Variants in TMEM232 observed in about 807,000 individuals in gnomAD.
The protein encoded by TMEM232 is transmembrane protein 232.
TMEM232 carries 80 observed loss-of-function variants against 78.8 expected under a neutral mutation model. The ratio of observed to expected loss-of-function variants is 1.01; its 90% CI spans 0.85 to 1.22. TMEM232 has a LOEUF of 1.22. TMEM232 is among the 50% of genes most tolerant of loss of function. TMEM232 has a pLI of 0.00. For synonymous variants in TMEM232, 297 were observed against 254.3 expected (o/e 1.17, Z -1.60); for missense variants, 881 against 742.2 (o/e 1.19, Z -2.17).
chr5:110,523,822 G>A (rs564573150), intron 12 of TMEM232, among the ~76,000 whole-genome samples: 11 of 151,832 alleles, frequency 7.2e-5, no homozygotes, highest in Non-Finnish European at 1.5e-4. Flanking sequence ...CTAGCTGAGT[G>A]TAGTGTCATG....
chr5:110,506,863 G>A (rs1580982872), intron 12 of TMEM232, among the ~76,000 whole-genome samples: 1 of 151,912 alleles, frequency 6.6e-6, no homozygotes, highest in East Asian at 1.9e-4. Flanking sequence ...AATATGTAGT[G>A]TTCTGTCTAT....
chr5:110,685,304 T>C (rs776447478), intron 1 of TMEM232, among the ~76,000 whole-genome samples: 1 of 151,474 alleles, frequency 6.6e-6, no homozygotes, highest in South Asian at 2.1e-4. Context: ...ATGGGAAAAA[T>C]AACAGCAAAG....
At chr5:110,720,923 A>T (rs374108430) in intron 1 of TMEM232, 16 of 152,298 alleles carry the variant, frequency 1.1e-4, no homozygotes, top group African/African-American at 3.6e-4. Flanking sequence ...TGGAAAAAAT[A>T]GGTAAGAACA....
At chr5:110,690,407 A>G (rs1793971996) in intron 1 of TMEM232, among the ~76,000 whole-genome samples, 2 of 152,238 alleles carry the variant, frequency 1.3e-5, no homozygotes, top group South Asian at 4.1e-4. Flanking sequence ...AGAAATGCAA[A>G]TCAAAACCAC....
intron 1 of TMEM232, among the ~76,000 whole-genome samples, chr5:110,701,920 C>T (rs761986817): frequency 2.0e-5 from 3 of 151,924 alleles, no homozygotes; most frequent in Non-Finnish European, 4.4e-5. Flanking sequence ...TTTTGCTTAA[C>T]AGAAGGAAAA....
At chr5:110,597,428 G>T (rs1384218273) in intron 10 of TMEM232, among the ~76,000 whole-genome samples, 1 of 152,070 alleles carries the variant, frequency 6.6e-6, no homozygotes, top group Non-Finnish European at 1.5e-5. Flanking sequence ...TGTGAAAATG[G>T]CCATACTGCC....
chr5:110,658,188 G>A (rs964247641), intron 2 of TMEM232, among the ~76,000 whole-genome samples: 2 of 152,098 alleles, frequency 1.3e-5, no homozygotes, highest in African/African-American at 4.8e-5. Flanking sequence ...GGCTTTTGAA[G>A]TCAGACACTG....
intron 6 of TMEM232, 50 bp from the exon 7 acceptor site, chr5:110,625,483 CTG>C (rs1784310757): frequency 2.1e-6 from 3 of 1,430,322 alleles, no homozygotes; most frequent in Non-Finnish European, 2.8e-6. Context: ...ATATTTTGCA[CTG>C]TGTTTCATTT....
downstream of TMEM232, among the ~76,000 whole-genome samples, chr5:110,415,444 C>T (rs1308718918): frequency 1.3e-5 from 2 of 151,870 alleles, no homozygotes; most frequent in African/African-American, 4.8e-5. Flanking sequence ...ACGTTGGCCT[C>T]CCCAAGTGCT....
chr5:110,533,999 C>G (rs1771942770), intron 11 of TMEM232, among the ~76,000 whole-genome samples: 1 of 152,070 alleles, frequency 6.6e-6, no homozygotes, highest in Non-Finnish European at 1.5e-5. Flanking sequence ...TTATTGAGGC[C>G]CTCTCCCTTC....
chr5:110,579,184 G>A (rs1386675429), intron 10 of TMEM232, among the ~76,000 whole-genome samples: 1 of 151,112 alleles, frequency 6.6e-6, no homozygotes, highest in Non-Finnish European at 1.5e-5. Context: ...TGCCAGAAGG[G>A]AGTGAGATGA....
chr5:110,606,720 C>T (rs1781589917), intron 8 of TMEM232, among the ~76,000 whole-genome samples: 1 of 151,920 alleles, frequency 6.6e-6, no homozygotes, highest in Non-Finnish European at 1.5e-5. Flanking sequence ...TTCTAAGATA[C>T]TCCAAAGATT....
intron 10 of TMEM232, among the ~76,000 whole-genome samples, chr5:110,577,978 T>C (rs978853708): frequency 1.3e-5 from 2 of 151,898 alleles, no homozygotes; most frequent in Admixed American, 6.6e-5. Flanking sequence ...CCAATCCCCA[T>C]GACACAAGTT....
At chr5:110,680,141 G>A (rs1792537783) in intron 1 of TMEM232, among the ~76,000 whole-genome samples, 2 of 152,080 alleles carry the variant, frequency 1.3e-5, no homozygotes, top group South Asian at 4.1e-4. Flanking sequence ...GCTCACGTCT[G>A]TAATCCCAGC....
intron 5 of TMEM232, among the ~76,000 whole-genome samples, chr5:110,631,822 C>T (rs1470861988): frequency 1.2e-4 from 19 of 152,136 alleles, no homozygotes; most frequent in Admixed American, 1.2e-3. Flanking sequence ...TGTCCCACAA[C>T]TGCTACTGCC....
Position 110,420,601 on chromosome 5 carries a change from A to C in TMEM232, c.1953T>G (p.Pro651=). 6.8e-7 allele frequency: 1 copy of C among 1,480,354 alleles called. No homozygotes were observed. Among genetic ancestry groups the C allele is most frequent in the African/African-American group, 1.5e-5 (1 of 68,754 alleles). The allele number at this position is 1,480,354 out of a possible 1,614,324, so 91.7% of individuals were successfully genotyped here. A position where few individuals can be genotyped will look rare whatever the true frequency, so the allele number is the denominator to read the frequency against. ...CTAATTAAATTACTTCCTTCCTATA[A>C]GGAAGTTCATAGGGCTTGGTTTGCT... ...LHKQTKPYEL[P]YRKEVI The change falls in exon 14 of 14, where the codon CCT becomes CCG. Residue 651 remains proline (P), a synonymous_variant. Coordinates refer to ENST00000455884, the MANE Select transcript of TMEM232 (RefSeq NM_001039763.4).
chr5:110,700,686 A>C (rs143121417), intron 1 of TMEM232, among the ~76,000 whole-genome samples: 1,842 of 152,056 alleles, frequency 0.012, 46 homozygotes, highest in African/African-American at 0.042. Flanking sequence ...TGAGGAAATA[A>C]AGAGGGCCTT....
intron 3 of TMEM232, 57 bp from the exon 4 acceptor site, chr5:110,641,053 ATTTATT>A: frequency 9.0e-7 from 1 of 1,107,562 alleles, no homozygotes; most frequent in Non-Finnish European, 1.2e-6. Context: ...TTATATATAT[ATTTATT>A]TTTAACTCTT....
chr5:110,588,235 T>C (rs770882806), intron 10 of TMEM232, among the ~76,000 whole-genome samples: 1 of 152,120 alleles, frequency 6.6e-6, no homozygotes, highest in African/African-American at 2.4e-5. Flanking sequence ...ACTACTGTCA[T>C]TGGAGAACCG....
Sources: gnomAD v4.1 joint callset for allele counts (sites outside exome capture counted in the v4.1 genomes callset) on GRCh38, gnomAD v4.1.1 for gene constraint, MANE v1.5 for transcripts, NCBI Gene and HGNC (gene_info 2026-07-23, HGNC 2026-07-21) for gene names.